The following AP3S1 variants were observed in gnomAD, a reference collection of about 807,000 sequenced individuals.
AP3S1 encodes the protein AP-3 complex subunit sigma-1.
A neutral mutation model predicts 21.3 loss-of-function variants in AP3S1; 12 were observed. The observed-to-expected ratio is 0.56, with a 90% CI of 0.36 to 0.91. The LOEUF (loss-of-function observed/expected upper bound fraction) is 0.91, where lower values mean the gene tolerates loss of function less well. Among genes scored for constraint, AP3S1 ranks in the 40% least tolerant of loss-of-function variants. The pLI is 0.01. For synonymous variants in AP3S1, 48 were observed against 78.4 expected (o/e 0.61, Z 2.05); for missense variants, 116 against 225.0 (o/e 0.52, Z 3.10).
chr5:115,874,301 T>A (rs1748519311), intron 3 of AP3S1, among the ~76,000 whole-genome samples: 1 of 152,106 alleles, frequency 6.6e-6, no homozygotes, highest in Non-Finnish European at 1.5e-5. Context: ...GAGTCCTTTC[T>A]GTTGTAGCAT....
At chr5:115,895,846 G>A (rs1358436964) in intron 4 of AP3S1, among the ~76,000 whole-genome samples, 4 of 152,132 alleles carry the variant, frequency 2.6e-5, no homozygotes, top group East Asian at 3.8e-4. Flanking sequence ...AAGGAAAAAC[G>A]CTAAGATTAG....
At chr5:115,902,472 AAAT>A (rs1751296294) in intron 4 of AP3S1, among the ~76,000 whole-genome samples, 1 of 152,168 alleles carries the variant, frequency 6.6e-6, no homozygotes, top group African/African-American at 2.4e-5. Flanking sequence ...CATGAGTGTA[AAAT>A]AATAACCTAA....
chr5:115,881,704 A>G (rs1216535834), intron 3 of AP3S1, among the ~76,000 whole-genome samples: 1 of 152,046 alleles, frequency 6.6e-6, no homozygotes. Context: ...CTCGAGGAGT[A>G]ACTTTGTGTT....
At chr5:115,850,952 A>G (rs1330437139) in intron 1 of AP3S1, among the ~76,000 whole-genome samples, 6 of 152,188 alleles carry the variant, frequency 3.9e-5, no homozygotes, top group African/African-American at 1.4e-4. Flanking sequence ...AATTCTCACT[A>G]GTTTATAGAA....
At chr5:115,888,534 C>A (rs1022003827) in intron 3 of AP3S1, among the ~76,000 whole-genome samples, 1 of 152,030 alleles carries the variant, frequency 6.6e-6, no homozygotes, top group African/African-American at 2.4e-5. Context: ...AACAGAGTAT[C>A]TGAGTGCTTT....
At chr5:115,857,422 C>A (rs1347614862) in intron 1 of AP3S1, among the ~76,000 whole-genome samples, 1 of 152,186 alleles carries the variant, frequency 6.6e-6, no homozygotes, top group East Asian at 1.9e-4. Context: ...AACTCAGGCA[C>A]AGAGAGGATA....
intron 5 of AP3S1, among the ~76,000 whole-genome samples, chr5:115,904,728 A>C (rs887679566): frequency 1.3e-5 from 2 of 152,234 alleles, no homozygotes; most frequent in Non-Finnish European, 2.9e-5. Flanking sequence ...TAGTAAAGAA[A>C]AGATTATTAT....
intron 3 of AP3S1, among the ~76,000 whole-genome samples, chr5:115,877,121 G>GT (rs1328614560): frequency 5.3e-5 from 8 of 151,820 alleles, no homozygotes; most frequent in Non-Finnish European, 8.8e-5. Flanking sequence ...AAATGGTGGG[G>GT]TTTTTTTCTA....
intron 4 of AP3S1, among the ~76,000 whole-genome samples, chr5:115,895,542 A>G (rs936144969): frequency 6.6e-6 from 1 of 152,228 alleles, no homozygotes; most frequent in Non-Finnish European, 1.5e-5. Context: ...TGACAGAGAT[A>G]TAAAATATAG....
chr5:115,906,221 T>G (rs767731860), intron 5 of AP3S1, among the ~76,000 whole-genome samples: 1 of 152,204 alleles, frequency 6.6e-6, no homozygotes, highest in Non-Finnish European at 1.5e-5. Flanking sequence ...TGAAAAGAAC[T>G]GGTTATCAAT....
chr5:115,911,929 T>C (rs1010547041), intron 5 of AP3S1, among the ~76,000 whole-genome samples: 5 of 151,964 alleles, frequency 3.3e-5, no homozygotes, highest in Non-Finnish European at 7.4e-5. Flanking sequence ...ACTATTTAAT[T>C]GGGTATGGAG....
chr5:115,890,478 G>T (rs1194924377), intron 3 of AP3S1, among the ~76,000 whole-genome samples: 1 of 152,130 alleles, frequency 6.6e-6, no homozygotes, highest in Admixed American at 6.5e-5. Context: ...AGGAAGTTGG[G>T]TATTGGTTAC....
intron 1 of AP3S1, among the ~76,000 whole-genome samples, chr5:115,861,207 G>A (rs994569010): frequency 2.6e-5 from 4 of 152,190 alleles, no homozygotes; most frequent in East Asian, 1.9e-4. Context: ...TAATGTTCTA[G>A]CTGTGTCTTA....
At position 115,913,612 on chromosome 5, in the gene AP3S1, G is replaced by T. The variant is rs1452730022; in HGVS notation, c.*122G>T. 15 of 1,445,634 alleles carry T rather than the reference G, an allele frequency of 1.0e-5. No individual in the cohort carries two copies. The highest frequency in any genetic ancestry group is 2.6e-4 in the Middle Eastern group (1 of 3,892). 89.6% of individuals were successfully genotyped at this position (1,445,634 alleles called of 1,614,324 possible). A position where few individuals can be genotyped will look rare whatever the true frequency, so the allele number is the denominator to read the frequency against. On this transcript the variant is annotated 3_prime_UTR_variant, in exon 6 of 6. Coordinates refer to ENST00000316788, the MANE Select transcript of AP3S1 (RefSeq NM_001284.4). The stretch of plus-strand genomic sequence containing the variant: ...ACTTTTGCTCTTGGATTTAAGTCAA[G>T]GTACTGTATAGAAGTTGTGTAAAAT...
chr5:115,881,040 T>C (rs930634654), intron 3 of AP3S1, among the ~76,000 whole-genome samples: 1 of 152,126 alleles, frequency 6.6e-6, no homozygotes, highest in African/African-American at 2.4e-5. Flanking sequence ...TTTTTTGCTT[T>C]CCATTTTCTT....
At chr5:115,852,137 A>G (rs753661971) in intron 1 of AP3S1, among the ~76,000 whole-genome samples, 15 of 152,152 alleles carry the variant, frequency 9.9e-5, no homozygotes, top group Non-Finnish European at 2.2e-4. Context: ...CACACCAGAG[A>G]TTGTTCTCAA....
At chr5:115,870,279 A>G (rs760374878) in intron 3 of AP3S1, 151 bp downstream of exon 3, 9 of 537,602 alleles carry the variant, frequency 1.7e-5, no homozygotes, top group Non-Finnish European at 2.9e-5. Flanking sequence ...GTCAGAGGAC[A>G]TAGAAACAAG....
intron 1 of AP3S1, among the ~76,000 whole-genome samples, chr5:115,849,065 T>C (rs1762258666): frequency 6.6e-6 from 1 of 152,226 alleles, no homozygotes; most frequent in Admixed American, 6.5e-5. Context: ...CATTACACTC[T>C]TTCTCTTTTC....
chr5:115,843,355 T>G (rs1761793726), intron 1 of AP3S1, among the ~76,000 whole-genome samples: 1 of 152,264 alleles, frequency 6.6e-6, no homozygotes, highest in Non-Finnish European at 1.5e-5. Context: ...AGGTGTTAGT[T>G]GAAGTGAGAA....
Sources: gnomAD v4.1 joint callset for allele counts (sites outside exome capture counted in the v4.1 genomes callset) on GRCh38, gnomAD v4.1.1 for gene constraint, MANE v1.5 for transcripts, NCBI Gene and HGNC (gene_info 2026-07-23, HGNC 2026-07-21) for gene names.